The following RNGTT variants were observed in gnomAD, a reference collection of about 807,000 sequenced individuals.
RNGTT encodes RNA guanylyltransferase and 5'-phosphatase.
RNGTT carries 33 observed loss-of-function variants against 79.3 expected under a neutral mutation model. The ratio of observed to expected loss-of-function variants is 0.42; its 90% CI spans 0.32 to 0.56. The LOEUF (loss-of-function observed/expected upper bound fraction) is 0.56, where lower values mean the gene tolerates loss of function less well. RNGTT is among the 20% of genes least tolerant of loss of function. The probability of loss-of-function intolerance (pLI) is 0.17; values close to 1 mark genes in which losing one functional copy is unlikely to be tolerated. For missense variants in RNGTT, 497 were observed against 739.1 expected (o/e 0.67, Z 3.80); for synonymous variants, 222 against 235.9 (o/e 0.94, Z 0.54).
chr6:88,962,958 C>T (rs936509680), intron 1 of RNGTT, among the ~76,000 whole-genome samples: 1 of 151,164 alleles, frequency 6.6e-6, no homozygotes, highest in Non-Finnish European at 1.5e-5. Context: ...TGGGAACCGC[C>T]CCTTCCCTCC....
intron 6 of RNGTT, among the ~76,000 whole-genome samples, chr6:88,895,784 A>G (rs1482338659): frequency 6.6e-6 from 1 of 152,162 alleles, no homozygotes; most frequent in Non-Finnish European, 1.5e-5. Flanking sequence ...CCTGTCAACC[A>G]TAGGTCAACT....
At chr6:88,817,077 C>G (rs1021829650) in intron 11 of RNGTT, among the ~76,000 whole-genome samples, 11 of 152,188 alleles carry the variant, frequency 7.2e-5, no homozygotes, top group African/African-American at 2.4e-4. Flanking sequence ...TAGAGACACA[C>G]TGAAGAACAA....
intron 12 of RNGTT, among the ~76,000 whole-genome samples, chr6:88,780,039 A>G (rs2127848576): frequency 6.6e-6 from 1 of 152,320 alleles, no homozygotes; most frequent in African/African-American, 2.4e-5. Flanking sequence ...TATTTTAAGA[A>G]TACTGTAGCT....
chr6:88,770,324 T>A (rs1778608841), intron 12 of RNGTT, among the ~76,000 whole-genome samples: 1 of 152,204 alleles, frequency 6.6e-6, no homozygotes, highest in African/African-American at 2.4e-5. Context: ...TGCAGTCAAT[T>A]CCCTCCGTCA....
At chr6:88,848,785 T>G (rs1043252420) in intron 10 of RNGTT, among the ~76,000 whole-genome samples, 1 of 152,022 alleles carries the variant, frequency 6.6e-6, no homozygotes, top group Non-Finnish European at 1.5e-5. Context: ...GAGGTGTAAC[T>G]AAGAAACTTC....
At chr6:88,771,350 T>TATATATATATAC (rs376503141) in intron 12 of RNGTT, among the ~76,000 whole-genome samples, 36 of 116,228 alleles carry the variant, frequency 3.1e-4, no homozygotes, top group African/African-American at 9.3e-4. Context: ...TATATATATA[T>TATATATATATAC]ACACACACAC....
intron 1 of RNGTT, among the ~76,000 whole-genome samples, chr6:88,945,851 C>T (rs1016675249): frequency 1.3e-5 from 2 of 152,180 alleles, no homozygotes; most frequent in Admixed American, 1.3e-4. Context: ...CCTGCTCCTC[C>T]CCTTTCATAG....
chr6:88,890,395 A>G (rs754401919), intron 8 of RNGTT, 100 bp downstream of exon 8: 17 of 740,084 alleles, frequency 2.3e-5, no homozygotes, highest in Non-Finnish European at 3.1e-5. Flanking sequence ...TATTCACATT[A>G]GAAATTCACA....
chr6:88,775,332 T>G (rs1490644796), intron 12 of RNGTT, among the ~76,000 whole-genome samples: 3 of 152,160 alleles, frequency 2.0e-5, no homozygotes, highest in Non-Finnish European at 2.9e-5. Context: ...ACATTAGACC[T>G]CCAGATTTAT....
At chr6:88,732,637 G>A (rs1777155032) in intron 13 of RNGTT, among the ~76,000 whole-genome samples, 1 of 152,180 alleles carries the variant, frequency 6.6e-6, no homozygotes, top group Non-Finnish European at 1.5e-5. Context: ...TAAGTAAAAT[G>A]TGGTATATAG....
At chr6:88,913,030 C>G (rs1222576912) in intron 4 of RNGTT, among the ~76,000 whole-genome samples, 6 of 151,742 alleles carry the variant, frequency 4.0e-5, no homozygotes, top group African/African-American at 1.5e-4. Context: ...ATGGCAAAAC[C>G]CCATCTCTAT....
chr6:88,798,812 T>C (rs1779686793), intron 12 of RNGTT, among the ~76,000 whole-genome samples: 1 of 152,214 alleles, frequency 6.6e-6, no homozygotes, highest in Non-Finnish European at 1.5e-5. Flanking sequence ...CAATAAAGGA[T>C]ATCTAACAGA....
chr6:88,857,826 A>G (rs771708551), intron 8 of RNGTT, among the ~76,000 whole-genome samples: 1 of 152,190 alleles, frequency 6.6e-6, no homozygotes, highest in African/African-American at 2.4e-5. Context: ...AGAATTATCA[A>G]TGATATTTGC....
At chr6:88,830,911 A>T (rs968806558) in intron 11 of RNGTT, among the ~76,000 whole-genome samples, 1 of 152,204 alleles carries the variant, frequency 6.6e-6, no homozygotes, top group Non-Finnish European at 1.5e-5. Context: ...CCCTGAATAG[A>T]CCAATAATAA....
intron 4 of RNGTT, among the ~76,000 whole-genome samples, chr6:88,920,621 G>A (rs188043202): frequency 1.1e-3 from 173 of 152,272 alleles, no homozygotes; most frequent in African/African-American, 4.1e-3. Flanking sequence ...ACAACTCACA[G>A]AAGTGTTTTC....
intron 4 of RNGTT, among the ~76,000 whole-genome samples, chr6:88,917,765 T>C (rs1441419191): frequency 6.6e-6 from 1 of 152,062 alleles, no homozygotes. Flanking sequence ...CGGTTGCCTG[T>C]AATCCCAGCT....
At chr6:88,811,242 C>T (rs916211378) in intron 11 of RNGTT, among the ~76,000 whole-genome samples, 6 of 152,050 alleles carry the variant, frequency 3.9e-5, no homozygotes, top group African/African-American at 7.2e-5. Context: ...AGACAAAATT[C>T]GAAGATAATT....
chr6:88,768,894 C>T (rs907815475), intron 13 of RNGTT, among the ~76,000 whole-genome samples: 6 of 152,164 alleles, frequency 3.9e-5, no homozygotes, highest in Non-Finnish European at 5.9e-5. Flanking sequence ...TAAAAATTAA[C>T]ACTTAATAGA....
chr6:88,721,412 A>G (rs948855383), intron 13 of RNGTT, among the ~76,000 whole-genome samples: 8 of 151,640 alleles, frequency 5.3e-5, no homozygotes, highest in Non-Finnish European at 8.8e-5. Flanking sequence ...ACTAAATCTA[A>G]TTTTTTGTTT....
Sources: gnomAD v4.1 joint callset for allele counts (sites outside exome capture counted in the v4.1 genomes callset) on GRCh38, gnomAD v4.1.1 for gene constraint, MANE v1.5 for transcripts, NCBI Gene and HGNC (gene_info 2026-07-23, HGNC 2026-07-21) for gene names.